Variants in GNAQ observed in about 807,000 individuals in gnomAD.
GNAQ encodes the protein G protein subunit alpha q.
Under a neutral mutation model 43.9 loss-of-function variants are expected in GNAQ, and 8 were observed. The observed-to-expected ratio is 0.18, with a 90% confidence interval of 0.11 to 0.33. The LOEUF (loss-of-function observed/expected upper bound fraction) is 0.33, where lower values mean the gene tolerates loss of function less well. Among genes scored for constraint, GNAQ ranks in the 10% least tolerant of loss-of-function variants. GNAQ has a pLI of 1.00. For missense variants in GNAQ, 158 were observed against 450.8 expected (o/e 0.35, Z 5.88); for synonymous variants, 155 against 170.7 (o/e 0.91, Z 0.71).
chr9:77,836,676 A>C (rs1827391643), intron 2 of GNAQ, among the ~76,000 whole-genome samples: 1 of 152,218 alleles, frequency 6.6e-6, no homozygotes, highest in African/African-American at 2.4e-5. Flanking sequence ...GATGTTTAAA[A>C]ATGGAGAAAA....
At chr9:77,948,188 A>G (rs779930878) in intron 1 of GNAQ, among the ~76,000 whole-genome samples, 6 of 152,268 alleles carry the variant, frequency 3.9e-5, no homozygotes, top group Non-Finnish European at 5.9e-5. Context: ...TAACATGTTT[A>G]TAAGATAGTA....
At chr9:77,777,424 C>T (rs1241514416) in intron 5 of GNAQ, among the ~76,000 whole-genome samples, 4 of 152,036 alleles carry the variant, frequency 2.6e-5, no homozygotes, top group Admixed American at 2.6e-4. Context: ...AAATCTTTGT[C>T]ACCCTGGATT....
At chr9:77,918,986 C>A (rs1587409375) in intron 2 of GNAQ, among the ~76,000 whole-genome samples, 1 of 152,176 alleles carries the variant, frequency 6.6e-6, no homozygotes, top group Non-Finnish European at 1.5e-5. Flanking sequence ...GCGGCATGAT[C>A]TCAGCTCACT....
intron 5 of GNAQ, among the ~76,000 whole-genome samples, chr9:77,772,948 T>A (rs550716731): frequency 1.3e-5 from 2 of 152,198 alleles, no homozygotes; most frequent in African/African-American, 4.8e-5. Context: ...CCAAAAAAAA[T>A]CTCATGTTTT....
intron 5 of GNAQ, among the ~76,000 whole-genome samples, chr9:77,785,040 T>C (rs1250156887): frequency 1.3e-5 from 2 of 152,216 alleles, no homozygotes; most frequent in East Asian, 1.9e-4. Context: ...TTGGGCTGAA[T>C]AGTGACTCTG....
At chr9:77,776,879 G>C (rs1231401559) in intron 5 of GNAQ, among the ~76,000 whole-genome samples, 1 of 113,720 alleles carries the variant, frequency 8.8e-6, no homozygotes, top group Non-Finnish European at 1.9e-5. Context: ...TTTTTTTTTT[G>C]GCAGAAACTC....
chr9:77,989,303 A>T (rs1823480251), intron 1 of GNAQ, among the ~76,000 whole-genome samples: 1 of 152,104 alleles, frequency 6.6e-6, no homozygotes, highest in African/African-American at 2.4e-5. Context: ...CAAAGGCCCA[A>T]ATCAGTTAGG....
chr9:77,810,673 T>C (rs541629354), intron 3 of GNAQ, among the ~76,000 whole-genome samples: 1 of 152,178 alleles, frequency 6.6e-6, no homozygotes, highest in Admixed American at 6.5e-5. Flanking sequence ...GCTTATACCA[T>C]GGTCATTAAA....
chr9:77,792,158 T>C (rs1826585483), intron 5 of GNAQ, among the ~76,000 whole-genome samples: 1 of 152,156 alleles, frequency 6.6e-6, no homozygotes, highest in Non-Finnish European at 1.5e-5. Flanking sequence ...TTTCTCATGA[T>C]CCCATACTAT....
At chr9:77,732,000 C>G (rs1825497981) in intron 5 of GNAQ, among the ~76,000 whole-genome samples, 1 of 152,134 alleles carries the variant, frequency 6.6e-6, no homozygotes, top group Admixed American at 6.5e-5. Flanking sequence ...CCGACATGCT[C>G]TGTTATCAAG....
intron 2 of GNAQ, among the ~76,000 whole-genome samples, chr9:77,876,566 C>T (rs1587380921): frequency 1.3e-5 from 2 of 152,216 alleles, no homozygotes; most frequent in African/African-American, 4.8e-5. Flanking sequence ...GCAAACATAT[C>T]TCCTTTACAG....
chr9:77,725,321 G>A (rs1021752296), intron 6 of GNAQ, among the ~76,000 whole-genome samples: 7 of 151,906 alleles, frequency 4.6e-5, no homozygotes, highest in African/African-American at 1.7e-4. Flanking sequence ...ATACAGAAAT[G>A]GCATTCATTA....
chr9:77,803,777 G>A (rs1303965877), intron 3 of GNAQ, among the ~76,000 whole-genome samples: 1 of 152,146 alleles, frequency 6.6e-6, no homozygotes. Flanking sequence ...GAACCTGTTC[G>A]AACAATCTCT....
intron 2 of GNAQ, among the ~76,000 whole-genome samples, chr9:77,891,015 G>A (rs1828397201): frequency 6.6e-6 from 1 of 152,192 alleles, no homozygotes; most frequent in Admixed American, 6.5e-5. Context: ...TAGCAAGAGA[G>A]TGTTTTAAAT....
intron 2 of GNAQ, among the ~76,000 whole-genome samples, chr9:77,829,425 A>G (rs1483945191): frequency 6.6e-6 from 1 of 152,208 alleles, no homozygotes. Flanking sequence ...GCCCAAAACC[A>G]TACTATGTTC....
intron 1 of GNAQ, among the ~76,000 whole-genome samples, chr9:77,938,444 T>C (rs1232784435): frequency 1.3e-5 from 2 of 152,200 alleles, no homozygotes; most frequent in Admixed American, 6.5e-5. Context: ...GACACTGGCA[T>C]GGCACAAACA....
intron 5 of GNAQ, among the ~76,000 whole-genome samples, chr9:77,736,639 C>A (rs1286446259): frequency 6.6e-6 from 1 of 152,016 alleles, no homozygotes; most frequent in Non-Finnish European, 1.5e-5. Context: ...ACATGTCAGG[C>A]CCTTGTAAAG....
At chr9:77,806,806 G>C (rs1826837786) in intron 3 of GNAQ, among the ~76,000 whole-genome samples, 1 of 152,094 alleles carries the variant, frequency 6.6e-6, no homozygotes, top group African/African-American at 2.4e-5. Flanking sequence ...GAACTACAAA[G>C]AAAAAAGGAC....
chr9:77,900,537 C>A (rs1396320531), intron 2 of GNAQ, among the ~76,000 whole-genome samples: 1 of 151,948 alleles, frequency 6.6e-6, no homozygotes, highest in Non-Finnish European at 1.5e-5. Flanking sequence ...CAGGTTCACT[C>A]CCGTTCACTA....
Sources: allele counts gnomAD v4.1 joint callset (sites outside exome capture counted in the v4.1 genomes callset), GRCh38; gene constraint gnomAD v4.1.1; transcripts MANE v1.5; gene names NCBI Gene and HGNC (gene_info 2026-07-23, HGNC 2026-07-21).